The following ZFYVE19 variants were observed in gnomAD, a reference collection of about 807,000 sequenced individuals.
The protein encoded by ZFYVE19 is zinc finger FYVE-type containing 19, also known as abscission/NoCut checkpoint regulator.
In ZFYVE19, 49 loss-of-function variants were observed where a neutral mutation model predicts 62.8. The observed-to-expected ratio is 0.78, with a 90% confidence interval of 0.62 to 0.99. The LOEUF (loss-of-function observed/expected upper bound fraction) is 0.99. Among genes scored for constraint, ZFYVE19 ranks in the 50% least tolerant of loss-of-function variants. The pLI, the probability that ZFYVE19 is intolerant of heterozygous loss-of-function variation, is 0.00. For missense variants in ZFYVE19, 630 were observed against 601.9 expected (o/e 1.05, Z -0.49); for synonymous variants, 242 against 234.3 (o/e 1.03, Z -0.30).
chr15:40,808,084 T>G, intron 1 of ZFYVE19: 1 of 908,262 alleles, frequency 1.1e-6, no homozygotes, highest in South Asian at 1.7e-5. Context: ...AGGTGAGAGT[T>G]CCCTATAAAC....
intron 4 of ZFYVE19, 36 bp downstream of exon 4, chr15:40,810,006 A>C (rs1890428459): frequency 6.2e-7 from 1 of 1,614,020 alleles, no homozygotes; most frequent in African/African-American, 1.3e-5. Context: ...TAGAGGACAC[A>C]GTCCAGGGCT....
Position 40,814,248 on chromosome 15 carries a change from A to AGGGCAGTCCCAC in ZFYVE19, c.*23_*34dup, listed in dbSNP as rs766130268. On this transcript the variant is annotated 3_prime_UTR_variant, in exon 11 of 11. Transcript: ENST00000355341. ...CTGAAGACACCCTGGTCCTCCCGGA[A>AGGGCAGTCCCAC]GGGCAGTCCCACAGGCAGCGGCACC... The AGGGCAGTCCCAC allele has an allele frequency of 1.4e-5, 22 of 1,613,576 alleles. No homozygotes were observed. In the African/African-American group the frequency reaches 2.9e-4, roughly 22 times the overall value.
At chr15:40,811,087 T>TA (rs1453456147) in intron 6 of ZFYVE19, 1 of 317,280 alleles carries the variant, frequency 3.2e-6, no homozygotes, top group Admixed American at 4.6e-5. Context: ...TCAGGAGGAG[T>TA]AAACGAGATA....
intron 1 of ZFYVE19, chr15:40,808,530 T>G (rs1356425082): frequency 1.7e-6 from 2 of 1,184,628 alleles, no homozygotes; most frequent in African/African-American, 3.1e-5. Flanking sequence ...TCTGCTGTCT[T>G]ATTGAGGCGG....
In ZFYVE19 at chr15:40,813,531, C is replaced by A. The variant is rs552969781; in HGVS notation, c.1110+114C>A. ...TGAAGCTCCTGTTCTCTTTGGGCCC[C>A]CTCCTGTGACCCAGACCCAGACCTG... is the stretch of plus-strand genomic sequence containing the variant. On this transcript the variant is annotated intron_variant, in intron 8 of 10. Transcript: ENST00000355341. 26 of 1,267,382 alleles carry A rather than the reference C, an allele frequency of 2.1e-5. No homozygotes were observed. In the African/African-American group the frequency reaches 2.4e-4, roughly 12 times the overall value. 78.5% of individuals were successfully genotyped at this position (1,267,382 alleles called of 1,614,324 possible).
At position 40,809,254 on chromosome 15, in the gene ZFYVE19, A is replaced by G. The variant is rs770772669; in HGVS notation, c.401+14A>G. The G allele has an allele frequency of 6.2e-6, 10 of 1,613,816 alleles. No homozygotes were observed. Among genetic ancestry groups the G allele is most frequent in the Non-Finnish European group, 8.5e-6 (10 of 1,179,900 alleles). On this transcript the variant is annotated intron_variant, in intron 2 of 10. Transcript: ENST00000355341. ...GGTCCTGACCAGGTAAGAGGCAGGC[A>G]TGGGTGAAAGTTCAGCCAAGTATGG...
At position 40,807,445 on chromosome 15, in the gene ZFYVE19, A is replaced by G. The variant is rs770813598; in HGVS notation, c.-145A>G. 5.0e-6 allele frequency: 8 copies of G among 1,614,104 alleles called. No individual in the cohort carries two copies. Among genetic ancestry groups the G allele is most frequent in the Admixed American group, 1.7e-5 (1 of 60,010 alleles). Reference sequence around the variant, plus strand: ...CTGTAAGAGCTCCTTGGTCACTGCCATGGTTCCGGCCTGACGGATTCGTAC... The same window carrying G: ...CTGTAAGAGCTCCTTGGTCACTGCCGTGGTTCCGGCCTGACGGATTCGTAC... On this transcript the variant is annotated 5_prime_UTR_variant, in exon 1 of 11. It removes an upstream start codon present in the reference 5' UTR. Transcript: ENST00000355341.
At chr15:40,813,100 G>GGCTGAGGCTTTCGCTCCAGCCC (rs1890547872) in intron 7 of ZFYVE19, among the ~76,000 whole-genome samples, 198 bp downstream of exon 7, 4 of 152,150 alleles carry the variant, frequency 2.6e-5, no homozygotes, top group African/African-American at 9.7e-5. Flanking sequence ...TCCATTCAGG[G>GGCTGAGGCTTTCGCTCCAGCCC]GCTGAGGCTT....
At chr15:40,812,619 A>T in intron 6 of ZFYVE19, 80 bp from the exon 7 acceptor site, 1 of 978,682 alleles carries the variant, frequency 1.0e-6, no homozygotes, top group South Asian at 1.5e-5. Flanking sequence ...AGAAAAGAAA[A>T]GGTTGAGAAA....
intron 3 of ZFYVE19, 134 bp from the exon 4 acceptor site, chr15:40,809,718 G>T: frequency 9.7e-7 from 1 of 1,027,578 alleles, no homozygotes. Context: ...CATGAGTGAG[G>T]GGCACAGCAG....
rs779353418 is a variant in ZFYVE19, at chr15:40,807,313, G to T, written c.-277G>T. On this transcript the variant is annotated 5_prime_UTR_variant, in exon 1 of 11. The change creates a new upstream start codon in the 5' untranslated region. Coordinates refer to ENST00000355341, the MANE Select transcript of ZFYVE19 (RefSeq NM_001077268.2). ...GATGCCAGCAGTGGCCGAGGCGCTA[G>T]GACAGGAAGGACCGCCAGACCTCTC... The T allele has an allele frequency of 1.5e-5, 24 of 1,614,062 alleles. No individual in the cohort carries two copies. In the East Asian group the frequency reaches 5.3e-4, roughly 36 times the overall value.
Position 40,807,603 on chromosome 15 carries a change from C to A in ZFYVE19, c.14C>A (p.Ser5Tyr). The change falls in exon 1 of 11, where the codon TCC becomes TAC. Residue 5 changes from serine to tyrosine, a missense_variant. By Grantham distance (144) the Ser-to-Tyr change is moderately radical (BLOSUM62 -2). Transcript: ENST00000355341. ...CGGCAGTCGTGAATGAACTACGACT[C>A]CCAGCAGCCCCCGTTGCCGCCGCTG... The part of the protein sequence containing the change: MNYD[S>Y]QQPPLPPLPY... 1 of 1,612,720 alleles carries A rather than the reference C, an allele frequency of 6.2e-7. No homozygotes were observed. The highest frequency in any genetic ancestry group is 1.3e-5 in the African/African-American group (1 of 75,052).
chr15:40,807,195 C>G lies in ZFYVE19; in HGVS notation c.-395C>G, dbSNP rs2141970320. The G allele has an allele frequency of 6.8e-7, 1 of 1,478,798 alleles. No individual in the cohort carries two copies. The highest frequency in any genetic ancestry group is 1.3e-5 in the South Asian group (1 of 75,832). 91.6% of individuals were successfully genotyped at this position (1,478,798 alleles called of 1,614,324 possible). On this transcript the variant is annotated 5_prime_UTR_variant, in exon 1 of 11. Transcript: ENST00000355341. ...GTACCCCGCTTCCTCTTGAGGCCCT[C>G]GGACCGTCCAGGAAATGTCTGGGAG...
rs926367849 is a variant in ZFYVE19 at position 40,810,685 on chromosome 15, C to G, written c.754C>G (p.Gln252Glu). The change falls in exon 6 of 11, where the codon CAG becomes GAG. Residue 252 changes from glutamine to glutamate, a missense_variant. Gln to Glu is a conservative substitution (Grantham distance 29). Transcript: ENST00000355341. ...ACCGGACACCAGGACCCAAGCCCAG[C>G]AGACACAGGATCTGCTAACGCAGCT... ...HTPDTRTQAQ[Q>E]TQDLLTQLAA... The G allele has an allele frequency of 3.8e-6, 6 of 1,577,158 alleles. No homozygotes were observed. Among genetic ancestry groups the G allele is most frequent in the African/African-American group, 1.3e-5 (1 of 74,284 alleles).
chr15:40,810,465 C>T (rs1026542738), intron 5 of ZFYVE19, among the ~76,000 whole-genome samples, 184 bp from the exon 6 acceptor site: 12 of 152,176 alleles, frequency 7.9e-5, no homozygotes, highest in African/African-American at 2.7e-4. Flanking sequence ...ACAAACAGCA[C>T]GATAGGGTAG....
intron 1 of ZFYVE19, 181 bp from the exon 2 acceptor site, chr15:40,808,938 A>T: frequency 1.4e-6 from 1 of 697,658 alleles, no homozygotes; most frequent in South Asian, 1.8e-5. Flanking sequence ...TGAATAAGGT[A>T]CTGGAAACCG....
Position 40,807,627 on chromosome 15 carries a change from TG to T in ZFYVE19, c.39del (p.Pro14ArgfsTer14), listed in dbSNP as rs1890290960. 2.5e-6 allele frequency: 4 copies of T among 1,613,058 alleles called. No individual in the cohort carries two copies. Among genetic ancestry groups the T allele is most frequent in the Non-Finnish European group, 2.5e-6 (3 of 1,179,750 alleles). ...YDSQQPPLPP[L>X]PYAGCRRASG... ...TCCCAGCAGCCCCCGTTGCCGCCGC[TG>T]CCGTACGCTGGCTGCAGGAGAGCGT... On this transcript the variant is annotated frameshift_variant, in exon 1 of 11. Transcript: ENST00000355341. LOFTEE classifies it high-confidence loss of function.
Position 40,814,053 on chromosome 15 carries a change from C to A in ZFYVE19, c.1320C>A (p.Phe440Leu). The change falls in exon 10 of 11, where the codon TTC becomes TTA. Residue 440 changes from phenylalanine (F) to leucine (L), a missense_variant. Physicochemically the swap from Phe to Leu is conservative, Grantham distance 22. Coordinates refer to ENST00000355341, the MANE Select transcript of ZFYVE19 (RefSeq NM_001077268.2). ...LRCAGCDGDL[F>L]CARCFREGHD... ...GCGCTGGCTGCGATGGGGACCTCTTCTGTGCCCGCTGCTTCCGGTGGGTGC... is the reference window on the plus strand; with the variant it reads ...GCGCTGGCTGCGATGGGGACCTCTTATGTGCCCGCTGCTTCCGGTGGGTGC... 1 of 1,614,100 alleles carries A rather than the reference C, an allele frequency of 6.2e-7. No individual in the cohort carries two copies. The highest frequency in any genetic ancestry group is 8.5e-7 in the Non-Finnish European group (1 of 1,179,948).
chr15:40,812,920 G>GATGCTCA lies in ZFYVE19; in HGVS notation c.1030+18_1030+19insATGCTCA. The GATGCTCA allele has an allele frequency of 6.2e-7, 1 of 1,606,386 alleles. No homozygotes were observed. The highest frequency in any genetic ancestry group is 8.5e-7 in the Non-Finnish European group (1 of 1,179,628). ...CGAGAGAGGTGAAGGCTGGGGAGCA[G>GATGCTCA]CTGCTCACTGGTATCCCTTGGTCAA... On this transcript the variant is annotated intron_variant, in intron 7 of 10. Transcript: ENST00000355341.
Sources: gnomAD v4.1 joint callset for allele counts (sites outside exome capture counted in the v4.1 genomes callset) on GRCh38, gnomAD v4.1.1 for gene constraint, MANE v1.5 for transcripts, NCBI Gene and HGNC (gene_info 2026-07-23, HGNC 2026-07-21) for gene names.